The following ITGAV variants were observed in gnomAD, a reference collection of about 807,000 sequenced individuals.
ITGAV encodes integrin subunit alpha V.
Under a neutral mutation model 143.8 loss-of-function variants are expected in ITGAV, and 76 were observed. The ratio of observed to expected loss-of-function variants is 0.53; its 90% CI spans 0.44 to 0.64. ITGAV has a LOEUF of 0.64. Among genes scored for constraint, ITGAV ranks in the 30% least tolerant of loss-of-function variants. The pLI is 0.00. For synonymous variants in ITGAV, 453 were observed against 446.7 expected (o/e 1.01, Z -0.18); for missense variants, 1,193 against 1,274.7 (o/e 0.94, Z 0.98).
rs778190540 is a variant in ITGAV, at chr2:186,677,229, A to G, written c.3084A>G (p.Gln1028=). The change falls in exon 30 of 30, where the codon CAA becomes CAG. Residue 1028 remains glutamine (Q), a synonymous_variant. Coordinates refer to ENST00000261023, the MANE Select transcript of ITGAV (RefSeq NM_002210.5). ...MGFFKRVRPP[Q]EEQEREQLQP... ...TTTTTAAACGGGTCCGGCCACCTCA[A>G]GAAGAACAAGAAAGGGAGCAGCTTC... 1 of 1,613,844 alleles carries G rather than the reference A, an allele frequency of 6.2e-7. No homozygotes were observed. The highest frequency in any genetic ancestry group is 2.2e-5 in the East Asian group (1 of 44,854).
At chr2:186,632,119 A>C (rs1687829440) in intron 5 of ITGAV, among the ~76,000 whole-genome samples, 1 of 152,090 alleles carries the variant, frequency 6.6e-6, no homozygotes, top group Admixed American at 6.6e-5. Flanking sequence ...AACTCTTCTT[A>C]CTAGGTAACT....
At chr2:186,652,790 C>T (rs1688472701) in intron 15 of ITGAV, among the ~76,000 whole-genome samples, 1 of 151,972 alleles carries the variant, frequency 6.6e-6, no homozygotes, top group African/African-American at 2.4e-5. Context: ...TAATTTTCTG[C>T]TTATTCCTTT....
intron 6 of ITGAV, among the ~76,000 whole-genome samples, chr2:186,635,148 A>C (rs1687916924): frequency 6.6e-6 from 1 of 152,220 alleles, no homozygotes; most frequent in African/African-American, 2.4e-5. Context: ...TATAGCTAGC[A>C]GACTCAGTGA....
At position 186,676,892 on chromosome 2, in the gene ITGAV, C is replaced by G; in HGVS notation, c.3008C>G (p.Ala1003Gly). ...TGGGTGATCATTTTAGCAGTTCTAG[C>G]AGGATTGTTGCTACTGGCTGTTTTG... ...PVWVIILAVL[A>G]GLLLLAVLVF... Residue 1003 changes from alanine to glycine, a missense_variant, in exon 29 of 30, where the codon GCA (alanine) becomes GGA (glycine). Physicochemically the swap from Ala to Gly is moderately conservative, Grantham distance 60. Coordinates refer to ENST00000261023, the MANE Select transcript of ITGAV (RefSeq NM_002210.5). The G allele has an allele frequency of 6.2e-7, 1 of 1,613,926 alleles. No homozygotes were observed.
rs142399441 is a variant in ITGAV at position 186,599,761 on chromosome 2, T to C, written c.186-2260T>C. Among the ~76,000 whole-genome samples the C allele has an allele frequency of 3.9e-5, 6 of 152,358 alleles. No individual in the cohort carries two copies. In the East Asian group the frequency reaches 1.2e-3, roughly 29 times the overall value. On this transcript the variant is annotated intron_variant, in intron 1 of 29. Transcript: ENST00000261023. ...AAGTACTTAATCTGCCTTCTGCTTC[T>C]CTGCTCTCTAGGCTTTTCTCCCATC...
At chr2:186,651,830 C>T (rs553324903) in intron 14 of ITGAV, 152 bp from the exon 15 acceptor site, 16 of 548,054 alleles carry the variant, frequency 2.9e-5, no homozygotes, top group South Asian at 1.0e-4. Context: ...TGATCACCTA[C>T]GGTTATGTTG....
chr2:186,618,843 G>A (rs372951828), intron 2 of ITGAV, among the ~76,000 whole-genome samples: 3 of 152,082 alleles, frequency 2.0e-5, no homozygotes, highest in Admixed American at 6.5e-5. Flanking sequence ...AGTACAGTAC[G>A]GAGGTTCCTC....
intron 18 of ITGAV, among the ~76,000 whole-genome samples, chr2:186,662,978 C>T (rs1688788621): frequency 6.6e-6 from 1 of 151,998 alleles, no homozygotes; most frequent in Admixed American, 6.6e-5. Flanking sequence ...CAAAAATGGC[C>T]TCATCTTTAT....
At chr2:186,594,676 C>T (rs1444558451) in intron 1 of ITGAV, among the ~76,000 whole-genome samples, 1 of 152,174 alleles carries the variant, frequency 6.6e-6, no homozygotes, top group Admixed American at 6.5e-5. Context: ...AAAGTCCAAA[C>T]CGCTTAACAT....
At chr2:186,649,789 C>G in intron 13 of ITGAV, 51 bp from the exon 14 acceptor site, 1 of 1,241,690 alleles carries the variant, frequency 8.1e-7, no homozygotes, top group South Asian at 1.3e-5. Flanking sequence ...ATGGTATATA[C>G]ATTTTAAAAA....
At chr2:186,643,738 A>C (rs1393902623) in intron 12 of ITGAV, among the ~76,000 whole-genome samples, 1 of 152,236 alleles carries the variant, frequency 6.6e-6, no homozygotes, top group Non-Finnish European at 1.5e-5. Context: ...AAAGAAAAGC[A>C]GGAAAGAGCA....
chr2:186,638,140 G>A (rs370679979), intron 8 of ITGAV, 137 bp from the exon 9 acceptor site: 42 of 704,598 alleles, frequency 6.0e-5, no homozygotes, highest in East Asian at 4.3e-4. Flanking sequence ...TTATTACGGA[G>A]TACCAATTTT....
At chr2:186,626,383 A>G (rs982518573) in intron 4 of ITGAV, among the ~76,000 whole-genome samples, 2 of 152,178 alleles carry the variant, frequency 1.3e-5, no homozygotes, top group African/African-American at 4.8e-5. Flanking sequence ...ACTGCTTTAG[A>G]TCTTCCTTGT....
At chr2:186,669,646 T>C in intron 25 of ITGAV, 55 bp from the exon 26 acceptor site, 2 of 1,186,140 alleles carry the variant, frequency 1.7e-6, no homozygotes, top group Middle Eastern at 1.9e-4. Flanking sequence ...AAAATGCTGA[T>C]GTAAAATGTT....
intron 1 of ITGAV, among the ~76,000 whole-genome samples, chr2:186,600,950 ACT>A (rs748738575): frequency 1.0e-4 from 15 of 148,012 alleles, no homozygotes; most frequent in East Asian, 8.0e-4. Flanking sequence ...CAAGAGCAAG[ACT>A]CTGTCTCAAA....
chr2:186,631,949 C>T (rs1261948808), intron 5 of ITGAV, among the ~76,000 whole-genome samples: 2 of 152,168 alleles, frequency 1.3e-5, no homozygotes, highest in Admixed American at 6.6e-5. Flanking sequence ...ATTGCTTGAA[C>T]TGCAGTGAGT....
At chr2:186,608,472 G>A (rs1171045625) in intron 2 of ITGAV, among the ~76,000 whole-genome samples, 2 of 152,154 alleles carry the variant, frequency 1.3e-5, no homozygotes, top group Non-Finnish European at 2.9e-5. Flanking sequence ...TAAAGTGCTT[G>A]GAGATACTAC....
intron 19 of ITGAV, 97 bp from the exon 20 acceptor site, chr2:186,664,397 G>A: frequency 2.6e-6 from 3 of 1,169,824 alleles, no homozygotes; most frequent in East Asian, 2.3e-5. Flanking sequence ...TGTTGAACAT[G>A]TCAGTGCTGT....
chr2:186,596,720 AT>A (rs1348706725), intron 1 of ITGAV, among the ~76,000 whole-genome samples: 1 of 151,842 alleles, frequency 6.6e-6, no homozygotes, highest in Non-Finnish European at 1.5e-5. Context: ...TTATTCCTTA[AT>A]TTTTTTATAT....
Sources: allele counts gnomAD v4.1 joint callset (sites outside exome capture counted in the v4.1 genomes callset), GRCh38; gene constraint gnomAD v4.1.1; transcripts MANE v1.5; gene names NCBI Gene and HGNC (gene_info 2026-07-23, HGNC 2026-07-21).